Variants in KALRN observed in about 807,000 individuals in gnomAD.
The protein encoded by KALRN is kalirin.
KALRN carries 70 observed loss-of-function variants against 353.7 expected under a neutral mutation model. That is an observed-to-expected ratio of 0.20 (90% CI 0.16 to 0.24). KALRN has a LOEUF of 0.24. Among genes scored for constraint, KALRN ranks in the 10% least tolerant of loss-of-function variants. The probability of loss-of-function intolerance (pLI) is 1.00; values close to 1 mark genes in which losing one functional copy is unlikely to be tolerated. For missense variants in KALRN, 2,791 were observed against 3,756.7 expected (o/e 0.74, Z 6.72); for synonymous variants, 1,391 against 1,434.8 (o/e 0.97, Z 0.69).
intron 7 of KALRN, 99 bp downstream of exon 7, chr3:124,326,270 T>G: frequency 1.1e-6 from 1 of 920,110 alleles, no homozygotes. Flanking sequence ...TATAGGGAGC[T>G]CCACCTGTCT....
chr3:124,112,076 G>A (rs1446491237), intron 1 of KALRN, among the ~76,000 whole-genome samples: 1 of 152,068 alleles, frequency 6.6e-6, no homozygotes, highest in East Asian at 1.9e-4. Flanking sequence ...GCTGAGGCGG[G>A]CAGATCATTT....
At chr3:124,303,582 T>A (rs933908711) in intron 6 of KALRN, among the ~76,000 whole-genome samples, 1 of 152,236 alleles carries the variant, frequency 6.6e-6, no homozygotes, top group Non-Finnish European at 1.5e-5. Flanking sequence ...CAGGAGTACA[T>A]GCAAACGTAA....
In KALRN at chr3:124,446,879, T is replaced by C; in HGVS notation, c.3546T>C (p.Pro1182=). The C allele has an allele frequency of 6.2e-7, 1 of 1,614,032 alleles. No individual in the cohort carries two copies. Among genetic ancestry groups the C allele is most frequent in the South Asian group, 1.1e-5 (1 of 91,072 alleles). ...AAGAATATGGGGAATTCAGGGTGCC[T>C]GCCAAGGTAGGAAACATCCCAGAGC... ...LLKEYGEFRV[P]AKQTKEKVKL... Residue 1182 remains proline, a synonymous_variant, in exon 21 of 60, where the codon CCT becomes CCC. Coordinates refer to ENST00000682506, the MANE Select transcript of KALRN (RefSeq NM_001388419.1).
intron 9 of KALRN, among the ~76,000 whole-genome samples, chr3:124,335,560 T>C (rs1204585145): frequency 6.6e-6 from 1 of 152,126 alleles, no homozygotes; most frequent in African/African-American, 2.4e-5. Context: ...AGGACTAATA[T>C]ACTAGTGTGG....
chr3:124,610,112 C>T (rs1439903144), intron 34 of KALRN, among the ~76,000 whole-genome samples: 1 of 152,094 alleles, frequency 6.6e-6, no homozygotes, highest in African/African-American at 2.4e-5. Flanking sequence ...CAACAATGAA[C>T]AAAAACAGGG....
intron 13 of KALRN, among the ~76,000 whole-genome samples, chr3:124,402,632 G>T (rs574912887): frequency 1.8e-4 from 27 of 152,188 alleles, no homozygotes; most frequent in Non-Finnish European, 3.2e-4. Flanking sequence ...AAACATTTTT[G>T]ATTGTGTGCC....
chr3:124,062,628 G>A (rs2042065278), intron 1 of KALRN, among the ~76,000 whole-genome samples: 1 of 152,180 alleles, frequency 6.6e-6, no homozygotes, highest in Non-Finnish European at 1.5e-5. Flanking sequence ...AAATACAAAG[G>A]TCTCTGGGGG....
intron 45 of KALRN, among the ~76,000 whole-genome samples, 173 bp from the exon 46 acceptor site, chr3:124,666,276 G>A (rs2085607484): frequency 6.6e-6 from 1 of 152,176 alleles, no homozygotes; most frequent in African/African-American, 2.4e-5. Flanking sequence ...AGTGGCCAAG[G>A]TCGGCCCCTG....
intron 57 of KALRN, among the ~76,000 whole-genome samples, chr3:124,707,376 T>C (rs1463746401): frequency 6.6e-6 from 1 of 151,798 alleles, no homozygotes; most frequent in Non-Finnish European, 1.5e-5. Flanking sequence ...GAATGGCTAA[T>C]GACAAGGAGA....
intron 5 of KALRN, among the ~76,000 whole-genome samples, chr3:124,297,364 T>A (rs1416388604): frequency 6.6e-6 from 1 of 152,242 alleles, no homozygotes; most frequent in African/African-American, 2.4e-5. Context: ...GCTTAAGTAG[T>A]GCAGTTCTCT....
intron 1 of KALRN, among the ~76,000 whole-genome samples, chr3:124,047,597 A>G (rs1001417586): frequency 6.9e-6 from 1 of 145,890 alleles, no homozygotes; most frequent in African/African-American, 2.6e-5. Context: ...GGTTCATGCC[A>G]TTCTCCTGCC....
intron 58 of KALRN, among the ~76,000 whole-genome samples, chr3:124,713,625 T>C (rs1038432599): frequency 6.6e-6 from 1 of 152,202 alleles, no homozygotes; most frequent in South Asian, 2.1e-4. Flanking sequence ...TCTAGGGACT[T>C]AGGCAACCAT....
chr3:124,441,302 T>C lies in KALRN; in HGVS notation c.3199-643T>C, dbSNP rs1195794943. ...TGGCTGAGGAAAAGTAGGCTGAGAG[T>C]GAATGTTAGTAATGCCTGATCAACA... is the stretch of plus-strand genomic sequence containing the variant. On this transcript the variant is annotated intron_variant, in intron 18 of 59. Transcript: ENST00000682506. Among the ~76,000 whole-genome samples the C allele has an allele frequency of 4.0e-5, 6 of 151,894 alleles. No individual in the cohort carries two copies. The East Asian group carries it at 1.2e-3, about 29-fold the overall frequency.
At chr3:124,388,612 G>A (rs62264162) in intron 11 of KALRN, among the ~76,000 whole-genome samples, 5,044 of 152,196 alleles carry the variant, frequency 0.033, 291 homozygotes, top group Admixed American at 0.13. Context: ...AGAAAAATGA[G>A]GGAAGAGTCC....
intron 9 of KALRN, among the ~76,000 whole-genome samples, chr3:124,346,071 T>C (rs2082229965): frequency 6.6e-6 from 1 of 152,212 alleles, no homozygotes; most frequent in East Asian, 1.9e-4. Flanking sequence ...AGGCAGTGAG[T>C]GGGCTCACTT....
chr3:124,242,727 T>A (rs1256619505), intron 3 of KALRN, among the ~76,000 whole-genome samples: 1 of 152,102 alleles, frequency 6.6e-6, no homozygotes, highest in Non-Finnish European at 1.5e-5. Context: ...TTACCTCAGT[T>A]TTGGGCTTCT....
At chr3:124,711,159 C>T (rs2062865219) in intron 57 of KALRN, among the ~76,000 whole-genome samples, 1 of 151,902 alleles carries the variant, frequency 6.6e-6, no homozygotes, top group South Asian at 2.1e-4. Context: ...TTGTCTAAGA[C>T]TTGTTTTACT....
At chr3:124,295,177 T>A (rs891863846) in intron 5 of KALRN, among the ~76,000 whole-genome samples, 3 of 152,208 alleles carry the variant, frequency 2.0e-5, no homozygotes, top group African/African-American at 7.2e-5. Flanking sequence ...AGAAGATTTG[T>A]GATTGTCCCT....
At chr3:124,078,419 A>C (rs1441538827) in intron 1 of KALRN, among the ~76,000 whole-genome samples, 1 of 152,184 alleles carries the variant, frequency 6.6e-6, no homozygotes, top group Non-Finnish European at 1.5e-5. Context: ...ATTGGGTCCT[A>C]CTGTGTTTAG....
Sources: gnomAD v4.1 joint callset for allele counts (sites outside exome capture counted in the v4.1 genomes callset) on GRCh38, gnomAD v4.1.1 for gene constraint, MANE v1.5 for transcripts, NCBI Gene and HGNC (gene_info 2026-07-23, HGNC 2026-07-21) for gene names.